The following EHBP1 variants were observed in gnomAD, a reference collection of about 807,000 sequenced individuals.
The protein encoded by EHBP1 is EH domain-binding protein 1.
Under a neutral mutation model 144.0 loss-of-function variants are expected in EHBP1, and 55 were observed. The observed-to-expected ratio is 0.38, with a 90% CI of 0.31 to 0.48. The LOEUF (loss-of-function observed/expected upper bound fraction) is 0.48. Ranked by LOEUF, EHBP1 falls within the 20% of genes least tolerant of loss-of-function variation. The pLI is 0.98. For missense variants in EHBP1, 1,200 were observed against 1,364.2 expected (o/e 0.88, Z 1.90); for synonymous variants, 469 against 472.7 (o/e 0.99, Z 0.10).
At position 63,045,195 on chromosome 2, in the gene EHBP1, G is replaced by T; in HGVS notation, c.3392+15G>T. 1 of 1,566,064 alleles carries T rather than the reference G, an allele frequency of 6.4e-7. No individual in the cohort carries two copies. The highest frequency in any genetic ancestry group is 8.7e-7 in the Non-Finnish European group (1 of 1,153,130). The stretch of plus-strand genomic sequence containing the variant: ...CAGGAGAAGCAGTGAGTGGGCAGTG[G>T]GGTCGGGTCGAGGCTGGGCCACCTG... On this transcript the variant is annotated intron_variant, in intron 22 of 22. Transcript: ENST00000431489. The surrounding 1 kb of genome is among the most constrained non-coding windows in gnomAD (Gnocchi z 5.7).
intron 8 of EHBP1, among the ~76,000 whole-genome samples, chr2:62,863,396 C>T (rs187222527): frequency 2.2e-4 from 33 of 151,490 alleles, no homozygotes; most frequent in Non-Finnish European, 3.8e-4. Context: ...AGTTCAAGAC[C>T]GTGCCGCTGC....
chr2:63,033,108 T>G (rs917391679), intron 19 of EHBP1, among the ~76,000 whole-genome samples: 2 of 152,208 alleles, frequency 1.3e-5, no homozygotes, highest in African/African-American at 4.8e-5. Flanking sequence ...ACTGGAGTCC[T>G]GCAATAATGT....
chr2:62,931,916 C>T lies in EHBP1; in HGVS notation c.1186-10802C>T, dbSNP rs143997414. ...TATTCCCATCAGGTGCAGTGGTTCA[C>T]ACCTGTAATCCTAGCACTTTGGGAG... On this transcript the variant is annotated intron_variant, in intron 10 of 22. Transcript: ENST00000431489. Among the ~76,000 whole-genome samples, 1,311 of 152,240 alleles carry T rather than the reference C, an allele frequency of 8.6e-3. 10 individuals are homozygous for T. The highest frequency in any genetic ancestry group is 0.012 in the Non-Finnish European group (823 of 68,012).
At chr2:62,868,964 T>C (rs963386765) in intron 9 of EHBP1, among the ~76,000 whole-genome samples, 1 of 151,868 alleles carries the variant, frequency 6.6e-6, no homozygotes, top group Non-Finnish European at 1.5e-5. Context: ...TAAAAAATAA[T>C]AAATTTAAAA....
intron 5 of EHBP1, among the ~76,000 whole-genome samples, chr2:62,809,927 C>A (rs2044849692): frequency 6.6e-6 from 1 of 152,064 alleles, no homozygotes; most frequent in African/African-American, 2.4e-5. Context: ...ACTGTACCAC[C>A]CTTTCTAAGA....
intron 10 of EHBP1, among the ~76,000 whole-genome samples, chr2:62,896,595 G>C (rs1017986667): frequency 5.9e-5 from 9 of 151,368 alleles, no homozygotes; most frequent in African/African-American, 2.2e-4. Flanking sequence ...CTTTGATCCT[G>C]ATTTTACCTC....
At chr2:62,696,204 T>C (rs949077368) in intron 1 of EHBP1, among the ~76,000 whole-genome samples, 9 of 141,876 alleles carry the variant, frequency 6.3e-5, no homozygotes, top group African/African-American at 2.0e-4. Flanking sequence ...AGAGTCTCAC[T>C]CTGTCACCCA....
intron 3 of EHBP1, among the ~76,000 whole-genome samples, chr2:62,756,898 A>G (rs1449126719): frequency 6.6e-6 from 1 of 152,170 alleles, no homozygotes; most frequent in Non-Finnish European, 1.5e-5. Flanking sequence ...AAGTTAAGCA[A>G]CTGAAAAAGA....
Position 62,826,277 on chromosome 2 carries a change from C to T in EHBP1, c.494+9C>T. On this transcript the variant is annotated intron_variant, in intron 6 of 22. Coordinates refer to ENST00000431489, the MANE Select transcript of EHBP1 (RefSeq NM_001142616.3). ...AGGGAAGGAAAAGCCACGTAAGTTTCTTTTGTCAAATAAGCTTCCTTACAT... is the reference window on the plus strand; with the variant it reads ...AGGGAAGGAAAAGCCACGTAAGTTTTTTTTGTCAAATAAGCTTCCTTACAT... The T allele has an allele frequency of 6.3e-7, 1 of 1,590,248 alleles. No individual in the cohort carries two copies. The highest frequency in any genetic ancestry group is 1.2e-5 in the South Asian group (1 of 86,584).
chr2:62,824,357 CTATAT>C (rs1001230036), intron 5 of EHBP1, among the ~76,000 whole-genome samples: 1 of 151,742 alleles, frequency 6.6e-6, no homozygotes, highest in African/African-American at 2.4e-5. Context: ...GCTTTAAATC[CTATAT>C]TATATGTAGA....
intron 5 of EHBP1, among the ~76,000 whole-genome samples, chr2:62,784,125 T>G (rs1300597482): frequency 3.3e-5 from 5 of 152,196 alleles, no homozygotes; most frequent in Non-Finnish European, 7.4e-5. Flanking sequence ...AGTGGTCAAA[T>G]GACATGAAAT....
chr2:62,864,704 T>C, intron 8 of EHBP1, 27 bp from the exon 9 acceptor site: 1 of 1,586,720 alleles, frequency 6.3e-7, no homozygotes, highest in Non-Finnish European at 8.6e-7. Context: ...ATTCATGTGA[T>C]TTAATTCATC....
chr2:62,872,265 T>C (rs1477088755), intron 9 of EHBP1, among the ~76,000 whole-genome samples: 1 of 151,984 alleles, frequency 6.6e-6, no homozygotes, highest in Non-Finnish European at 1.5e-5. Context: ...AATTTTCTCC[T>C]AATATAACCG....
intron 14 of EHBP1, among the ~76,000 whole-genome samples, chr2:62,957,629 T>C (rs1160760602): frequency 6.8e-6 from 1 of 146,434 alleles, no homozygotes; most frequent in Non-Finnish European, 1.5e-5. Flanking sequence ...AATTAATATT[T>C]GAAAATAAAT....
At chr2:62,754,955 C>T (rs1021287477) in intron 3 of EHBP1, among the ~76,000 whole-genome samples, 1 of 152,210 alleles carries the variant, frequency 6.6e-6, no homozygotes. Context: ...CAATGCCTTG[C>T]CCTGCTTCGG....
At chr2:62,972,204 A>G (rs745961663) in intron 14 of EHBP1, among the ~76,000 whole-genome samples, 1 of 152,206 alleles carries the variant, frequency 6.6e-6, no homozygotes, top group Non-Finnish European at 1.5e-5. Flanking sequence ...TGGTCAAAGC[A>G]GATACCAAAA....
At chr2:62,797,462 A>G (rs995594270) in intron 5 of EHBP1, among the ~76,000 whole-genome samples, 1 of 152,238 alleles carries the variant, frequency 6.6e-6, no homozygotes, top group Non-Finnish European at 1.5e-5. Flanking sequence ...GTAAAAGTCT[A>G]TTTAAGGCTT....
At chr2:62,706,560 A>G (rs1466988463) in intron 1 of EHBP1, 1 of 152,328 alleles carries the variant, frequency 6.6e-6, no homozygotes, top group Non-Finnish European at 1.5e-5. Context: ...CTGGCGGTGG[A>G]CATTAAACAG....
chr2:62,950,771 T>C (rs1198057483), intron 13 of EHBP1, among the ~76,000 whole-genome samples: 1 of 152,114 alleles, frequency 6.6e-6, no homozygotes, highest in Non-Finnish European at 1.5e-5. Context: ...CCACAACCTG[T>C]GCCTCCCAGG....
Sources: gnomAD v4.1 joint callset for allele counts (sites outside exome capture counted in the v4.1 genomes callset) on GRCh38, gnomAD v4.1.1 for gene constraint, Gnocchi (gnomAD v3.1) non-coding constraint, MANE v1.5 for transcripts, NCBI Gene and HGNC (gene_info 2026-07-23, HGNC 2026-07-21) for gene names.